Variants in EVI5 observed in about 807,000 individuals in gnomAD.
EVI5 encodes the protein ecotropic viral integration site 5 protein homolog.
In EVI5, 73 loss-of-function variants were observed where a neutral mutation model predicts 112.0. The observed-to-expected ratio is 0.65, with a 90% CI of 0.54 to 0.79. EVI5 has a LOEUF of 0.79. Among genes scored for constraint, EVI5 ranks in the 30% least tolerant of loss-of-function variants. The pLI is 0.00. For synonymous variants in EVI5, 305 were observed against 319.9 expected, an observed-to-expected ratio of 0.95 and a Z score of 0.50; for missense variants, 900 against 968.8, an observed-to-expected ratio of 0.93 and a Z score of 0.94.
intron 9 of EVI5, among the ~76,000 whole-genome samples, chr1:92,681,930 C>T (rs76801185): frequency 0.015 from 2,285 of 152,252 alleles, 32 homozygotes; most frequent in Non-Finnish European, 0.02. Context: ...GACTTCACTG[C>T]TCACCACACT....
In EVI5 at chr1:92,549,562, A is replaced by G. The variant is rs529188077; in HGVS notation, c.2166+14080T>C. 5.9e-5 allele frequency among the ~76,000 whole-genome samples: 9 copies of G among 152,132 alleles called. No individual in the cohort carries two copies. In the East Asian group the frequency reaches 1.4e-3, roughly 23 times the overall value. On this transcript the variant is annotated intron_variant, in intron 19 of 19. Coordinates refer to ENST00000684568, the MANE Select transcript of EVI5 (RefSeq NM_001350197.2). ...AAACTACCATCAGAGTGAACAGGCA[A>G]CCTACAGAATGGGAGAAAATTTTCG...
At chr1:92,559,507 C>T (rs895606231) in intron 19 of EVI5, among the ~76,000 whole-genome samples, 1 of 152,106 alleles carries the variant, frequency 6.6e-6, no homozygotes, top group African/African-American at 2.4e-5. Flanking sequence ...GGCATGGTGG[C>T]TCATGCCTGT....
intron 18 of EVI5, among the ~76,000 whole-genome samples, chr1:92,585,804 T>C (rs1672683542): frequency 6.6e-6 from 1 of 151,968 alleles, no homozygotes; most frequent in Admixed American, 6.6e-5. Context: ...ACATTACTAC[T>C]AAAGTCCTTA....
At chr1:92,735,066 G>A (rs566826063) in intron 2 of EVI5, among the ~76,000 whole-genome samples, 1 of 152,176 alleles carries the variant, frequency 6.6e-6, no homozygotes, top group African/African-American at 2.4e-5. Flanking sequence ...AAACAGTTTG[G>A]CAGTTAAACA....
intron 18 of EVI5, among the ~76,000 whole-genome samples, chr1:92,590,827 T>A (rs1279204752): frequency 6.6e-6 from 1 of 152,006 alleles, no homozygotes; most frequent in East Asian, 1.9e-4. Flanking sequence ...TCATCAAAGT[T>A]GAAATGAAGG....
chr1:92,767,557 A>C (rs1388335094), intron 1 of EVI5, among the ~76,000 whole-genome samples: 1 of 152,226 alleles, frequency 6.6e-6, no homozygotes, highest in African/African-American at 2.4e-5. Flanking sequence ...AACTGGAAAA[A>C]GATACATGTG....
upstream of EVI5, among the ~76,000 whole-genome samples, chr1:92,786,248 A>C (rs1365599376): frequency 2.0e-5 from 3 of 152,030 alleles, no homozygotes; most frequent in African/African-American, 4.8e-5. Flanking sequence ...AAAAAAAAAA[A>C]AAAAAACCTT....
intron 9 of EVI5, among the ~76,000 whole-genome samples, chr1:92,690,918 A>G (rs1414622125): frequency 6.6e-6 from 1 of 152,206 alleles, no homozygotes; most frequent in Admixed American, 6.5e-5. Flanking sequence ...AAATGTTTGC[A>G]CTTAATTAGA....
chr1:92,634,845 A>G lies in EVI5; in HGVS notation c.1527+1357T>C, dbSNP rs181687643. ...TTGGTCTTCAATGGTGGTGACGTAC[A>G]GATGGGGTTTTGGTGTGGATGTCCT... On this transcript the variant is annotated intron_variant, in intron 14 of 19. Transcript: ENST00000684568. Among the ~76,000 whole-genome samples, 426 of 152,318 alleles carry G rather than the reference A, an allele frequency of 2.8e-3. 3 individuals are homozygous for G. The highest frequency in any genetic ancestry group is 9.0e-3 in the African/African-American group (376 of 41,568).
intron 18 of EVI5, among the ~76,000 whole-genome samples, chr1:92,586,666 T>C (rs1196396194): frequency 6.7e-6 from 1 of 149,364 alleles, no homozygotes; most frequent in Non-Finnish European, 1.5e-5. Flanking sequence ...TCCTTACTTA[T>C]TGGCATTATA....
At chr1:92,719,228 C>G (rs1252444100) in intron 2 of EVI5, among the ~76,000 whole-genome samples, 1 of 151,934 alleles carries the variant, frequency 6.6e-6, no homozygotes, top group East Asian at 1.9e-4. Context: ...CAAAGGTTGG[C>G]AGAGACACGA....
At chr1:92,514,234 A>C (rs1220504413) in intron 19 of EVI5, among the ~76,000 whole-genome samples, 1 of 151,778 alleles carries the variant, frequency 6.6e-6, no homozygotes, top group East Asian at 1.9e-4. Flanking sequence ...GCTCACTGCA[A>C]CCTCCGCCTC....
At chr1:92,589,301 C>A (rs1006487408) in intron 18 of EVI5, among the ~76,000 whole-genome samples, 1 of 152,088 alleles carries the variant, frequency 6.6e-6, no homozygotes, top group Non-Finnish European at 1.5e-5. Flanking sequence ...CGAGCGTGAG[C>A]CGAAGTAGGA....
intron 6 of EVI5, among the ~76,000 whole-genome samples, chr1:92,696,487 A>T (rs956773935): frequency 2.6e-5 from 4 of 151,964 alleles, no homozygotes; most frequent in Non-Finnish European, 5.9e-5. Flanking sequence ...TAGATAAAAA[A>T]CTATTCAGGT....
intron 19 of EVI5, among the ~76,000 whole-genome samples, chr1:92,547,484 G>T (rs1428087804): frequency 6.6e-6 from 1 of 152,124 alleles, no homozygotes; most frequent in African/African-American, 2.4e-5. Context: ...CAGAAGGCGA[G>T]AAGTAACTAA....
intron 13 of EVI5, among the ~76,000 whole-genome samples, chr1:92,660,024 T>C (rs764740601): frequency 7.9e-5 from 12 of 151,914 alleles, no homozygotes; most frequent in Non-Finnish European, 1.5e-4. Context: ...TGAGAAATAA[T>C]GTATACACAT....
intron 19 of EVI5, among the ~76,000 whole-genome samples, chr1:92,552,741 G>A (rs1667134876): frequency 6.6e-6 from 1 of 152,044 alleles, no homozygotes; most frequent in Admixed American, 6.6e-5. Context: ...AAACCCTCTG[G>A]AGGCATACCC....
intron 19 of EVI5, among the ~76,000 whole-genome samples, chr1:92,540,598 T>C (rs1664628926): frequency 6.6e-6 from 1 of 152,204 alleles, no homozygotes; most frequent in Non-Finnish European, 1.5e-5. Flanking sequence ...GGTAAATGAT[T>C]TGATTTTTTT....
chr1:92,743,079 G>A (rs79280593), intron 1 of EVI5, among the ~76,000 whole-genome samples: 1 of 152,176 alleles, frequency 6.6e-6, no homozygotes, highest in Non-Finnish European at 1.5e-5. Context: ...AGGGCCAAGC[G>A]TGATGGCTCA....
Sources: gnomAD v4.1 joint callset for allele counts (sites outside exome capture counted in the v4.1 genomes callset) on GRCh38, gnomAD v4.1.1 for gene constraint, MANE v1.5 for transcripts, NCBI Gene and HGNC (gene_info 2026-07-23, HGNC 2026-07-21) for gene names.